The following STIM1 variants were observed in gnomAD, a reference collection of about 807,000 sequenced individuals.
STIM1 encodes stromal interaction molecule 1.
STIM1 carries 25 observed loss-of-function variants against 74.7 expected under a neutral mutation model. That is an observed-to-expected ratio of 0.33 (90% CI 0.24 to 0.47). The LOEUF (loss-of-function observed/expected upper bound fraction) is 0.47, where lower values mean the gene tolerates loss of function less well. Ranked by LOEUF, STIM1 falls within the 20% of genes least tolerant of loss-of-function variation. The pLI is 1.00. For missense variants in STIM1, 728 were observed against 920.8 expected (o/e 0.79, Z 2.71); for synonymous variants, 328 against 348.8 (o/e 0.94, Z 0.66).
intron 3 of STIM1, among the ~76,000 whole-genome samples, chr11:4,037,460 G>C (rs1044755365): frequency 2.6e-5 from 4 of 152,134 alleles, no homozygotes; most frequent in African/African-American, 9.7e-5. Context: ...TTGAAGCTCT[G>C]TTACTAGGTG....
chr11:3,940,793 G>A (rs1357595657), intron 1 of STIM1, among the ~76,000 whole-genome samples: 1 of 152,192 alleles, frequency 6.6e-6, no homozygotes, highest in African/African-American at 2.4e-5. Flanking sequence ...AGGATACATG[G>A]AAGAAGCAGT....
chr11:4,014,029 T>C (rs2093870266), intron 2 of STIM1, among the ~76,000 whole-genome samples: 1 of 151,944 alleles, frequency 6.6e-6, no homozygotes, highest in Non-Finnish European at 1.5e-5. Flanking sequence ...TTTTGAAGGG[T>C]TTTTTGTGTC....
chr11:3,875,630 G>A (rs1204270603), intron 1 of STIM1, among the ~76,000 whole-genome samples: 1 of 151,662 alleles, frequency 6.6e-6, no homozygotes, highest in Middle Eastern at 3.2e-3. Flanking sequence ...GGGGGTAGAG[G>A]CAGGAGGATT....
rs142469587 is a variant in STIM1, at chr11:3,967,984, A to G, written c.270+302A>G. Among the ~76,000 whole-genome samples, 67 of 152,284 alleles carry G rather than the reference A, an allele frequency of 4.4e-4. No individual in the cohort carries two copies. The East Asian group carries it at 0.012, about 28-fold the overall frequency. Reference sequence around the variant, plus strand: ...AGAGAGATCCCTGAGGCTGGTCTCTATGGTTTCCTTGCATCCTTCTTGCAA... The same window carrying G: ...AGAGAGATCCCTGAGGCTGGTCTCTGTGGTTTCCTTGCATCCTTCTTGCAA... On this transcript the variant is annotated intron_variant, in intron 2 of 12. Coordinates refer to ENST00000526596, the MANE Select transcript of STIM1 (RefSeq NM_001382567.1).
intron 1 of STIM1, among the ~76,000 whole-genome samples, chr11:3,883,152 T>C (rs1394853964): frequency 6.6e-6 from 1 of 152,228 alleles, no homozygotes; most frequent in Non-Finnish European, 1.5e-5. Flanking sequence ...AGCTCTTTCA[T>C]GTCTCAGCCT....
chr11:3,937,633 A>G (rs1419698446), intron 1 of STIM1, among the ~76,000 whole-genome samples: 1 of 151,750 alleles, frequency 6.6e-6, no homozygotes, highest in Non-Finnish European at 1.5e-5. Flanking sequence ...AGGGAGGATG[A>G]TGGCAGTCCT....
At chr11:3,907,634 C>T (rs771695634) in intron 1 of STIM1, among the ~76,000 whole-genome samples, 4 of 152,138 alleles carry the variant, frequency 2.6e-5, no homozygotes, top group South Asian at 2.1e-4. Flanking sequence ...CCTTTCAAAA[C>T]GTAAATCCAA....
At chr11:4,058,816 A>G in intron 4 of STIM1, 3 of 990,892 alleles carry the variant, frequency 3.0e-6, no homozygotes, top group Non-Finnish European at 3.6e-6. Context: ...TTTCAATAGC[A>G]CATTAGCAGG....
chr11:4,009,505 G>C (rs1490395137), intron 2 of STIM1, among the ~76,000 whole-genome samples: 1 of 151,818 alleles, frequency 6.6e-6, no homozygotes, highest in Non-Finnish European at 1.5e-5. Context: ...CTACTCAGGA[G>C]GCTGAGGCAG....
intron 3 of STIM1, among the ~76,000 whole-genome samples, chr11:4,052,006 A>G (rs1019340888): frequency 1.2e-4 from 18 of 152,228 alleles, no homozygotes; most frequent in Admixed American, 1.2e-3. Context: ...CCCATTCACA[A>G]TTGCTTCAAA....
chr11:3,892,828 G>A lies in STIM1; in HGVS notation c.139+36419G>A, dbSNP rs2091938497. On this transcript the variant is annotated intron_variant, in intron 1 of 12. Coordinates refer to ENST00000526596, the MANE Select transcript of STIM1 (RefSeq NM_001382567.1). ...CCTTGTCTGCAAATAGCTTGAAGGA[G>A]ACATGGCCCAAGGGCTCGCTGTTGA... is the stretch of plus-strand genomic sequence containing the variant. 3.5e-5 allele frequency: 57 copies of A among 1,612,292 alleles called. No individual in the cohort carries two copies. The South Asian group carries it at 6.0e-4, about 17-fold the overall frequency.
chr11:3,901,278 G>A (rs1201787439), intron 1 of STIM1, among the ~76,000 whole-genome samples: 1 of 152,164 alleles, frequency 6.6e-6, no homozygotes, highest in Non-Finnish European at 1.5e-5. Flanking sequence ...ATTAAGTTAG[G>A]AAAAGCTAGG....
rs894454 is a variant in STIM1 at position 4,083,200 on chromosome 11, G to A, written c.1239-63G>A. On this transcript the variant is annotated intron_variant, in intron 9 of 12. Transcript: ENST00000526596. ...TCAAAACTTGTTCCTCTGAGAAGAG[G>A]CTTCATTCCTATTGGGGCTCACACC... 0.034 allele frequency: 51,981 copies of A among 1,525,230 alleles called. 1,940 individuals are homozygous for A. The highest frequency in any genetic ancestry group is 0.17 in the East Asian group (7,405 of 44,432). 94.5% of individuals were successfully genotyped at this position (1,525,230 alleles called of 1,614,324 possible). A position where few individuals can be genotyped will look rare whatever the true frequency, so the allele number is the denominator to read the frequency against.
At chr11:3,999,161 T>C (rs1054529623) in intron 2 of STIM1, among the ~76,000 whole-genome samples, 2 of 152,104 alleles carry the variant, frequency 1.3e-5, no homozygotes, top group Non-Finnish European at 2.9e-5. Flanking sequence ...GCCTGGACAA[T>C]ATGGTAAGAC....
upstream of STIM1, chr11:3,855,493 G>A (rs775325688): frequency 6.6e-6 from 1 of 152,094 alleles, no homozygotes; most frequent in Non-Finnish European, 1.5e-5. Flanking sequence ...GGGTCCGGGA[G>A]AGCCCGCTAG....
chr11:4,078,401 C>A (rs1362715568), intron 7 of STIM1, among the ~76,000 whole-genome samples: 1 of 152,178 alleles, frequency 6.6e-6, no homozygotes, highest in East Asian at 1.9e-4. Context: ...CAGTGGAGAT[C>A]TTCTACATGG....
intron 1 of STIM1, among the ~76,000 whole-genome samples, chr11:3,878,845 C>T (rs923271035): frequency 6.6e-6 from 1 of 152,180 alleles, no homozygotes; most frequent in Non-Finnish European, 1.5e-5. Flanking sequence ...CCCAGCTGCT[C>T]GGCTGCCTAT....
At chr11:4,024,090 AG>A (rs1430306897) in intron 3 of STIM1, 103 bp downstream of exon 3, 1 of 865,496 alleles carries the variant, frequency 1.2e-6, no homozygotes, top group Admixed American at 2.0e-5. Context: ...TGCTTAGTAA[AG>A]GGCAAATTAT....
chr11:3,949,506 A>C (rs2093119355), intron 1 of STIM1, among the ~76,000 whole-genome samples: 1 of 152,166 alleles, frequency 6.6e-6, no homozygotes, highest in Admixed American at 6.5e-5. Context: ...GAATCCCTGA[A>C]AGGGGTCCTT....
Sources: allele counts gnomAD v4.1 joint callset (sites outside exome capture counted in the v4.1 genomes callset), GRCh38; gene constraint gnomAD v4.1.1; transcripts MANE v1.5; gene names NCBI Gene and HGNC (gene_info 2026-07-23, HGNC 2026-07-21).